Variants in FGF2 observed in about 807,000 individuals in gnomAD.
FGF2 encodes the protein basic fibroblast growth factor bFGF.
In FGF2, 13 loss-of-function variants were observed where a neutral mutation model predicts 15.9. That is an observed-to-expected ratio of 0.82 (90% CI 0.53 to 1.30). The LOEUF is 1.30. Ranked by LOEUF, FGF2 falls within the 50% of genes most tolerant of loss-of-function variation. The pLI, the probability that FGF2 is intolerant of heterozygous loss-of-function variation, is 0.00. For synonymous variants in FGF2, 90 were observed against 78.4 expected (o/e 1.15, Z -0.78); for missense variants, 163 against 196.9 (o/e 0.83, Z 1.03).
At chr4:122,881,152 C>T (rs1726953597) in intron 2 of FGF2, among the ~76,000 whole-genome samples, 1 of 152,170 alleles carries the variant, frequency 6.6e-6, no homozygotes, top group Admixed American at 6.5e-5. Context: ...GGACCCTGAG[C>T]CCAGCTCATG....
intron 1 of FGF2, among the ~76,000 whole-genome samples, chr4:122,861,055 C>T (rs961937336): frequency 1.3e-5 from 2 of 152,172 alleles, no homozygotes; most frequent in Non-Finnish European, 2.9e-5. Flanking sequence ...CTGACCACTC[C>T]ATCCAGGCTC....
chr4:122,892,827 T>A lies in FGF2; in HGVS notation c.*431T>A. 6.3e-7 allele frequency: 1 copy of A among 1,588,818 alleles called. No homozygotes were observed. On this transcript the variant is annotated 3_prime_UTR_variant, in exon 3 of 3. Transcript: ENST00000644866. The stretch of plus-strand genomic sequence containing the variant: ...ATGTTTCTAAACATATAAATGTGAA[T>A]TTAATCAATTCCTTTCATAGTTTTA...
chr4:122,827,255 G>C lies in FGF2; in HGVS notation c.81G>C (p.Lys27Asn). 1 of 1,612,492 alleles carries C rather than the reference G, an allele frequency of 6.2e-7. No homozygotes were observed. The highest frequency in any genetic ancestry group is 8.5e-7 in the Non-Finnish European group (1 of 1,179,762). Residue 27 changes from lysine (K) to asparagine (N), a missense_variant, in exon 1 of 3, where the codon AAG becomes AAC. Physicochemically the swap from Lys to Asn is moderately conservative, Grantham distance 94. Transcript: ENST00000644866. This position sits in a 1 kb window ranked among gnomAD's most constrained non-coding sequence, Gnocchi z 4.2. ...GCGCCTTCCCGCCCGGCCACTTCAA[G>C]GACCCCAAGCGGCTGTACTGCAAAA... ...GSGAFPPGHFKDPKRLYCKNG... is the reference protein window; with the variant it reads ...GSGAFPPGHFNDPKRLYCKNG...
Position 122,894,444 on chromosome 4 carries a change from A to C in FGF2, c.*2048A>C, listed in dbSNP as rs1020431692. 3 of 152,206 alleles carry C rather than the reference A, an allele frequency of 2.0e-5. No individual in the cohort carries two copies. The highest frequency in any genetic ancestry group is 7.2e-5 in the African/African-American group (3 of 41,432). The allele number at this position is 152,206 out of a possible 1,614,324, so 9.4% of individuals were successfully genotyped here. A position where few individuals can be genotyped will look rare whatever the true frequency, so the allele number is the denominator to read the frequency against. Reference sequence around the variant, plus strand: ...AAAAAAACACAAAAAATAGCCAGGCATGGTGGCGTGTACATGTGGTCTCAG... The same window carrying C: ...AAAAAAACACAAAAAATAGCCAGGCCTGGTGGCGTGTACATGTGGTCTCAG... On this transcript the variant is annotated 3_prime_UTR_variant, in exon 3 of 3. Transcript: ENST00000644866.
At chr4:122,878,024 C>G (rs571538685) in intron 2 of FGF2, among the ~76,000 whole-genome samples, 1 of 152,206 alleles carries the variant, frequency 6.6e-6, no homozygotes, top group Non-Finnish European at 1.5e-5. Context: ...ATAGCCAATA[C>G]TTATTAAGTG....
upstream of FGF2, chr4:122,826,751 G>A (rs112806407): frequency 2.6e-5 from 34 of 1,287,484 alleles, no homozygotes; most frequent in African/African-American, 4.4e-4. Context: ...CGCGCAGGAG[G>A]GAGGAGAACT....
chr4:122,853,515 T>G (rs1175799656), intron 1 of FGF2, among the ~76,000 whole-genome samples: 1 of 152,118 alleles, frequency 6.6e-6, no homozygotes, highest in Non-Finnish European at 1.5e-5. Flanking sequence ...AGGGATTTTG[T>G]TGTTGCTATT....
chr4:122,848,318 C>G (rs1179046761), intron 1 of FGF2, among the ~76,000 whole-genome samples: 8 of 152,164 alleles, frequency 5.3e-5, no homozygotes, highest in African/African-American at 1.9e-4. Context: ...TCTTGTCTTT[C>G]CCCTGAGGTG....
chr4:122,879,968 C>T (rs997926299), intron 2 of FGF2, among the ~76,000 whole-genome samples: 1 of 152,182 alleles, frequency 6.6e-6, no homozygotes, highest in African/African-American at 2.4e-5. Flanking sequence ...ATCTCATGTC[C>T]TCACATTTCA....
chr4:122,867,416 A>C (rs145242801), intron 1 of FGF2, among the ~76,000 whole-genome samples: 279 of 152,352 alleles, frequency 1.8e-3, no homozygotes, highest in African/African-American at 6.4e-3. Flanking sequence ...AATTTCTCAG[A>C]TGGAGTTAAT....
At position 122,892,366 on chromosome 4, in the gene FGF2, A is replaced by G; in HGVS notation, c.438A>G (p.Ile146Met). The change falls in exon 3 of 3, where the codon ATA (isoleucine) becomes ATG (methionine). Residue 146 changes from isoleucine (I) to methionine (M), a missense_variant. Transcript: ENST00000644866. ...GSKTGPGQKA[I>M]LFLPMSAKS ...AAACAGGACCTGGGCAGAAAGCTAT[A>G]CTTTTTCTTCCAATGTCTGCTAAGA... 6.2e-7 allele frequency: 1 copy of G among 1,614,146 alleles called. No homozygotes were observed. The highest frequency in any genetic ancestry group is 8.5e-7 in the Non-Finnish European group (1 of 1,179,998).
intron 2 of FGF2, among the ~76,000 whole-genome samples, chr4:122,891,798 A>G (rs1727196281): frequency 6.6e-6 from 1 of 152,206 alleles, no homozygotes; most frequent in African/African-American, 2.4e-5. Flanking sequence ...ATGATCCCTG[A>G]TTGGTAACCT....
In FGF2 at chr4:122,892,990, G is replaced by A. The variant is rs1280569642; in HGVS notation, c.*594G>A. On this transcript the variant is annotated 3_prime_UTR_variant, in exon 3 of 3. Transcript: ENST00000644866. ...GCAGCAGCCTAGCAACTCTGCTGGT[G>A]ATGGGAGTTGTATTTTCAGTCTTCG... 5 of 1,614,132 alleles carry A rather than the reference G, an allele frequency of 3.1e-6. No homozygotes were observed. The highest frequency in any genetic ancestry group is 4.2e-6 in the Non-Finnish European group (5 of 1,180,020).
rs1374020485 is a variant in FGF2 at position 122,894,679 on chromosome 4, CTAGTCT to C, written c.*2286_*2291del. 6 of 152,116 alleles carry C rather than the reference CTAGTCT, an allele frequency of 3.9e-5. No individual in the cohort carries two copies. The highest frequency in any genetic ancestry group is 8.8e-5 in the Non-Finnish European group (6 of 68,026). 9.4% of individuals were successfully genotyped at this position (152,116 alleles called of 1,614,324 possible). A position where few individuals can be genotyped will look rare whatever the true frequency, so the allele number is the denominator to read the frequency against. On this transcript the variant is annotated 3_prime_UTR_variant, in exon 3 of 3. Transcript: ENST00000644866. ...AAATTTATTATTTAAGATGGTAGCA[CTAGTCT>C]TAAATTGTATAAAATATCCCCTAAC...
chr4:122,861,013 T>G (rs1043787097), intron 1 of FGF2, among the ~76,000 whole-genome samples: 21 of 152,218 alleles, frequency 1.4e-4, no homozygotes, highest in Admixed American at 4.6e-4. Flanking sequence ...GTATTAGGTG[T>G]GCATATACGT....
intron 1 of FGF2, among the ~76,000 whole-genome samples, chr4:122,855,007 T>C (rs1383072426): frequency 2.0e-5 from 3 of 152,012 alleles, no homozygotes; most frequent in Non-Finnish European, 4.4e-5. Flanking sequence ...CACATGCCGC[T>C]CTGTTTTCTG....
At chr4:122,885,997 C>G (rs1035871912) in intron 2 of FGF2, among the ~76,000 whole-genome samples, 4 of 144,354 alleles carry the variant, frequency 2.8e-5, no homozygotes, top group African/African-American at 1.1e-4. Flanking sequence ...TAGATCACCA[C>G]AATCTTGAAT....
At position 122,892,474 on chromosome 4, in the gene FGF2, A is replaced by C; in HGVS notation, c.*78A>C. On this transcript the variant is annotated 3_prime_UTR_variant, in exon 3 of 3. Transcript: ENST00000644866. The stretch of plus-strand genomic sequence containing the variant: ...GAAATTTGTTAATGAGAGTAAAAGA[A>C]AATAAATGTGTATAGCTCAGTTTGG... 2.5e-6 allele frequency: 4 copies of C among 1,603,644 alleles called. No individual in the cohort carries two copies. The South Asian group carries it at 4.4e-5, about 18-fold the overall frequency.
At chr4:122,873,998 C>T (rs1298845487) in intron 1 of FGF2, among the ~76,000 whole-genome samples, 5 of 152,144 alleles carry the variant, frequency 3.3e-5, no homozygotes, top group African/African-American at 7.2e-5. Context: ...TGGCCATACA[C>T]GAATATCCCT....
Sources: allele counts gnomAD v4.1 joint callset (sites outside exome capture counted in the v4.1 genomes callset), GRCh38; gene constraint gnomAD v4.1.1; non-coding constraint Gnocchi (gnomAD v3.1); transcripts MANE v1.5; gene names NCBI Gene and HGNC (gene_info 2026-07-23, HGNC 2026-07-21).